PDE6A: variants seen among roughly 807,000 people sequenced by gnomAD.
PDE6A encodes phosphodiesterase 6A.
A neutral mutation model predicts 106.3 loss-of-function variants in PDE6A; 84 were observed. That is an observed-to-expected ratio of 0.79 (90% CI 0.66 to 0.95). The LOEUF is 0.95. PDE6A is among the 40% of genes least tolerant of loss of function. PDE6A has a pLI of 0.00. For synonymous variants in PDE6A, 394 were observed against 386.6 expected, an observed-to-expected ratio of 1.02 and a Z score of -0.23; for missense variants, 1,052 against 1,084.9, an observed-to-expected ratio of 0.97 and a Z score of 0.43.
chr5:149,876,136 T>C (rs558219199), intron 17 of PDE6A, among the ~76,000 whole-genome samples: 2 of 152,174 alleles, frequency 1.3e-5, no homozygotes, highest in South Asian at 4.2e-4. Context: ...TGTTGAAAAA[T>C]TTTCTTTTGG....
intron 13 of PDE6A, among the ~76,000 whole-genome samples, chr5:149,888,156 T>C (rs1752386252): frequency 6.6e-6 from 1 of 152,134 alleles, no homozygotes; most frequent in African/African-American, 2.4e-5. Flanking sequence ...AAAAAAGATC[T>C]AAGAGGATAG....
intron 17 of PDE6A, among the ~76,000 whole-genome samples, chr5:149,882,922 G>T (rs1015546559): frequency 3.9e-5 from 6 of 152,140 alleles, no homozygotes; most frequent in African/African-American, 1.2e-4. Flanking sequence ...GCTGGGCGTG[G>T]TGGTGGGTGA....
intron 1 of PDE6A, 87 bp downstream of exon 1, chr5:149,944,113 T>G: frequency 1.1e-6 from 1 of 922,212 alleles, no homozygotes; most frequent in South Asian, 1.3e-5. Context: ...AGCCTTGTCT[T>G]GGTGGCCAAT....
At chr5:149,917,005 G>T (rs1233701036) in intron 5 of PDE6A, among the ~76,000 whole-genome samples, 1 of 151,542 alleles carries the variant, frequency 6.6e-6, no homozygotes, top group Admixed American at 6.6e-5. Flanking sequence ...GTAACAATTT[G>T]ACTGAGTTAG....
intron 17 of PDE6A, among the ~76,000 whole-genome samples, chr5:149,872,951 C>A (rs1760614530): frequency 6.6e-6 from 1 of 152,076 alleles, no homozygotes; most frequent in Non-Finnish European, 1.5e-5. Context: ...TCTGCCACTG[C>A]GATGTGAGAG....
intron 4 of PDE6A, among the ~76,000 whole-genome samples, chr5:149,927,396 C>A (rs1753893949): frequency 1.3e-5 from 2 of 152,150 alleles, no homozygotes; most frequent in South Asian, 4.2e-4. Flanking sequence ...TTTAAAATTT[C>A]TTTCTTCAAT....
At chr5:149,862,957 T>C (rs578118580) in intron 21 of PDE6A, among the ~76,000 whole-genome samples, 162 bp downstream of exon 21, 1 of 152,258 alleles carries the variant, frequency 6.6e-6, no homozygotes, top group South Asian at 2.1e-4. Context: ...CTGTGTGACT[T>C]GGTCTCTTCC....
At chr5:149,895,329 G>C in intron 12 of PDE6A, 39 bp from the exon 13 acceptor site, 1 of 1,358,706 alleles carries the variant, frequency 7.4e-7, no homozygotes, top group Non-Finnish European at 1.1e-6. Flanking sequence ...GGACACACCT[G>C]AAATGGTCTC....
chr5:149,892,611 T>C (rs565346322), intron 13 of PDE6A, among the ~76,000 whole-genome samples: 2 of 151,576 alleles, frequency 1.3e-5, no homozygotes, highest in East Asian at 3.9e-4. Flanking sequence ...CCTGCCTTAC[T>C]CCCTGAGTAG....
At chr5:149,866,823 A>G (rs957575092) in intron 19 of PDE6A, 3 of 154,116 alleles carry the variant, frequency 1.9e-5, no homozygotes, top group African/African-American at 7.2e-5. Flanking sequence ...AAATACTGCA[A>G]CCAAAAGCAA....
chr5:149,936,920 A>C (rs557503394), intron 1 of PDE6A, among the ~76,000 whole-genome samples: 1 of 152,310 alleles, frequency 6.6e-6, no homozygotes, highest in African/African-American at 2.4e-5. Flanking sequence ...ACTCTTCCAG[A>C]CCCTGAAACT....
At chr5:149,907,003 C>A (rs1465071640) in intron 7 of PDE6A, among the ~76,000 whole-genome samples, 1 of 152,200 alleles carries the variant, frequency 6.6e-6, no homozygotes, top group African/African-American at 2.4e-5. Context: ...AGCTCCTGAC[C>A]TCAGGTGATC....
At chr5:149,900,401 G>GATATATATATATATATATA (rs1752932187) in intron 8 of PDE6A, among the ~76,000 whole-genome samples, 5 of 117,030 alleles carry the variant, frequency 4.3e-5, no homozygotes, top group East Asian at 3.6e-4. Context: ...ATATATATCC[G>GATATATATATATATATATA]TTGGTTCATC....
At chr5:149,862,207 G>T (rs1760169379) in intron 21 of PDE6A, among the ~76,000 whole-genome samples, 1 of 152,180 alleles carries the variant, frequency 6.6e-6, no homozygotes, top group Admixed American at 6.5e-5. Context: ...AAATGACTTG[G>T]GGGAGGGGCA....
At chr5:149,943,420 T>A (rs1754371659) in intron 1 of PDE6A, among the ~76,000 whole-genome samples, 1 of 152,216 alleles carries the variant, frequency 6.6e-6, no homozygotes, top group Non-Finnish European at 1.5e-5. Context: ...TTTTTCTTTC[T>A]ACATAGACAC....
At position 149,898,399 on chromosome 5, in the gene PDE6A, A is replaced by G. The variant is rs1581180287; in HGVS notation, c.1371T>C (p.His457=). 6.2e-7 allele frequency: 1 copy of G among 1,613,620 alleles called. No homozygotes were observed. The highest frequency in any genetic ancestry group is 8.5e-7 in the Non-Finnish European group (1 of 1,179,542). ...KDIFQDIVKY[H]VKCDNEEIQK... ...GAATTTCTTCATTGTCACACTTCAC[A>G]TGATATTTTACTATGTCCTGGAAAA... Residue 457 remains histidine (H), a synonymous_variant, in exon 10 of 22, where the codon CAT becomes CAC. Coordinates refer to ENST00000255266, the MANE Select transcript of PDE6A (RefSeq NM_000440.3).
intron 17 of PDE6A, 95 bp downstream of exon 17, chr5:149,883,334 C>G: frequency 1.2e-6 from 1 of 835,242 alleles, no homozygotes; most frequent in Non-Finnish European, 2.1e-6. Flanking sequence ...ATGAAATAGT[C>G]CCAAGGCTTG....
intron 17 of PDE6A, among the ~76,000 whole-genome samples, chr5:149,874,408 GTTT>G (rs1760666430): frequency 6.6e-6 from 1 of 152,132 alleles, no homozygotes; most frequent in South Asian, 2.1e-4. Flanking sequence ...ACATTTTCTA[GTTT>G]ATTATAAAGG....
intron 10 of PDE6A, 79 bp downstream of exon 10, chr5:149,898,284 G>T: frequency 2.2e-6 from 3 of 1,351,988 alleles, no homozygotes; most frequent in Non-Finnish European, 3.2e-6. Flanking sequence ...TCATGGAGTT[G>T]CAAGTTTTGC....
Sources: allele counts gnomAD v4.1 joint callset (sites outside exome capture counted in the v4.1 genomes callset), GRCh38; gene constraint gnomAD v4.1.1; transcripts MANE v1.5; gene names NCBI Gene and HGNC (gene_info 2026-07-23, HGNC 2026-07-21).